The following FUT8 variants were observed in gnomAD, a reference collection of about 807,000 sequenced individuals.
FUT8 encodes fucosyltransferase 8.
FUT8 carries 29 observed loss-of-function variants against 71.3 expected under a neutral mutation model. That is an observed-to-expected ratio of 0.41 (90% CI 0.30 to 0.55). The LOEUF (loss-of-function observed/expected upper bound fraction) is 0.55. Among genes scored for constraint, FUT8 ranks in the 20% least tolerant of loss-of-function variants. FUT8 has a pLI of 0.34. For synonymous variants in FUT8, 254 were observed against 239.3 expected (o/e 1.06, Z -0.57); for missense variants, 544 against 702.1 (o/e 0.77, Z 2.55).
At chr14:65,444,215 C>T (rs1379190202) in intron 1 of FUT8, among the ~76,000 whole-genome samples, 1 of 152,052 alleles carries the variant, frequency 6.6e-6, no homozygotes, top group Non-Finnish European at 1.5e-5. Flanking sequence ...ACCTATTTAT[C>T]CAGTAGGAAA....
At chr14:65,433,263 A>G (rs1292166364) in intron 1 of FUT8, among the ~76,000 whole-genome samples, 2 of 152,214 alleles carry the variant, frequency 1.3e-5, no homozygotes, top group Non-Finnish European at 2.9e-5. Flanking sequence ...ATATAAATAT[A>G]TAATTATAAT....
At chr14:65,632,992 T>TCCCCCCCCCCCC (rs1594839583) in intron 6 of FUT8, among the ~76,000 whole-genome samples, 1 of 124,510 alleles carries the variant, frequency 8.0e-6, no homozygotes, top group African/African-American at 3.7e-5. Flanking sequence ...CTCTCCCCTC[T>TCCCCCCCCCCCC]CCCCTCTCCC....
At chr14:65,395,215 C>A in the FUT8 span, among the ~76,000 whole-genome samples, 1 of 152,214 alleles carries the variant, frequency 6.6e-6, no homozygotes, top group Non-Finnish European at 1.5e-5. Context: ...GTGTCTGTGG[C>A]TTTTCCAGGC....
chr14:65,716,384 T>C (rs1430805230), intron 7 of FUT8, among the ~76,000 whole-genome samples: 1 of 126,514 alleles, frequency 7.9e-6, no homozygotes, highest in Non-Finnish European at 1.7e-5. Context: ...TCTTTGTCCC[T>C]TTTTTTTTTT....
At chr14:65,583,095 T>A (rs1271030851) in intron 3 of FUT8, among the ~76,000 whole-genome samples, 5 of 152,242 alleles carry the variant, frequency 3.3e-5, no homozygotes, top group African/African-American at 1.2e-4. Flanking sequence ...GCCATCTTTT[T>A]TTAGAAAAAG....
At chr14:65,541,581 C>A (rs531733334) in intron 2 of FUT8, among the ~76,000 whole-genome samples, 10 of 152,174 alleles carry the variant, frequency 6.6e-5, no homozygotes, top group Non-Finnish European at 1.3e-4. Flanking sequence ...CATCCTCAAC[C>A]TTTTTGTTTA....
rs554901188 is a variant in FUT8 at position 65,557,371 on chromosome 14, C to T, written c.-227-3966C>T. The stretch of plus-strand genomic sequence containing the variant: ...TTTTTGAGACAGAGCCTTGCTCTGT[C>T]GCCCAGGCTGGAGTGTGGTGTTGTG... On this transcript the variant is annotated intron_variant, in intron 2 of 10. Transcript: ENST00000673929. Among the ~76,000 whole-genome samples the T allele has an allele frequency of 9.4e-5, 14 of 148,810 alleles. No homozygotes were observed. In the East Asian group the frequency reaches 1.6e-3, roughly 17 times the overall value.
At chr14:65,541,198 T>C (rs183904667) in intron 2 of FUT8, among the ~76,000 whole-genome samples, 27 of 152,330 alleles carry the variant, frequency 1.8e-4, no homozygotes, top group African/African-American at 6.0e-4. Context: ...ACAACAAATG[T>C]TGATATTCTT....
chr14:65,498,734 C>T (rs1356094578), intron 2 of FUT8, among the ~76,000 whole-genome samples: 1 of 152,106 alleles, frequency 6.6e-6, no homozygotes, highest in Non-Finnish European at 1.5e-5. Flanking sequence ...TCTGACTTCT[C>T]CTTTACAAGT....
intron 7 of FUT8, among the ~76,000 whole-genome samples, chr14:65,706,725 G>A (rs990414678): frequency 2.0e-5 from 3 of 152,006 alleles, no homozygotes; most frequent in African/African-American, 4.8e-5. Context: ...ATTCATGAGG[G>A]TTTTGCCTGC....
chr14:65,364,826 C>T, the FUT8 span, among the ~76,000 whole-genome samples: 1 of 152,166 alleles, frequency 6.6e-6, no homozygotes, highest in Admixed American at 6.5e-5. Context: ...GGCACATCTG[C>T]ATCTTTAATG....
chr14:65,710,055 A>G lies in FUT8; in HGVS notation c.836-11720A>G, dbSNP rs865902904. Among the ~76,000 whole-genome samples, 4 of 152,354 alleles carry G rather than the reference A, an allele frequency of 2.6e-5. No individual in the cohort carries two copies. The Middle Eastern group carries it at 0.014, about 518-fold the overall frequency. Reference sequence around the variant, plus strand: ...TCTTAGGAAATGTAAGAGGAAAAGCAGTTATTACCCTTTAAAACCTCACTA... The same window carrying G: ...TCTTAGGAAATGTAAGAGGAAAAGCGGTTATTACCCTTTAAAACCTCACTA... On this transcript the variant is annotated intron_variant, in intron 7 of 10. Coordinates refer to ENST00000673929, the MANE Select transcript of FUT8 (RefSeq NM_001371533.1).
rs74058518 is a variant in FUT8, at chr14:65,567,513, C to T, written c.203+5747C>T. ...TTGGTTGGAAGATTTTGCTCTAGAC[C>T]GTCTTCTCTATAACTCCTAGTCTCT... is the stretch of plus-strand genomic sequence containing the variant. On this transcript the variant is annotated intron_variant, in intron 3 of 10. Transcript: ENST00000673929. 7.8e-3 allele frequency among the ~76,000 whole-genome samples: 1,188 copies of T among 151,918 alleles called. 9 individuals carry two copies. Among genetic ancestry groups the T allele is most frequent in the African/African-American group, 0.024 (992 of 41,486 alleles).
intron 1 of FUT8, among the ~76,000 whole-genome samples, chr14:65,446,677 G>GTTTTT (rs2065745821): frequency 1.9e-5 from 1 of 51,376 alleles, no homozygotes; most frequent in African/African-American, 8.4e-5. Context: ...ATGTTTTAGG[G>GTTTTT]CTTTTTTTTT....
At chr14:65,514,808 A>G (rs994860335) in intron 2 of FUT8, among the ~76,000 whole-genome samples, 6 of 152,134 alleles carry the variant, frequency 3.9e-5, no homozygotes, top group African/African-American at 1.4e-4. Context: ...TGCACCCACT[A>G]ACTGGTCATC....
intron 6 of FUT8, among the ~76,000 whole-genome samples, chr14:65,649,069 T>G (rs985176726): frequency 4.6e-5 from 7 of 152,236 alleles, no homozygotes; most frequent in African/African-American, 1.7e-4. Context: ...CTTTTATTCC[T>G]TTCTTTTCAT....
At chr14:65,430,563 T>C (rs1286816495) in intron 1 of FUT8, among the ~76,000 whole-genome samples, 2 of 152,196 alleles carry the variant, frequency 1.3e-5, no homozygotes, top group Non-Finnish European at 2.9e-5. Context: ...TCAGAAGATA[T>C]AGCCATTTCT....
intron 7 of FUT8, among the ~76,000 whole-genome samples, chr14:65,702,807 C>T (rs756180110): frequency 1.8e-4 from 28 of 151,796 alleles, no homozygotes; most frequent in Admixed American, 5.9e-4. Flanking sequence ...GGCACCATCT[C>T]GGCTCACTGC....
chr14:65,412,444 G>A (rs924646308), upstream of FUT8: 1 of 421,626 alleles, frequency 2.4e-6, no homozygotes. Flanking sequence ...TCCAGGATCC[G>A]CTCGCGCCCC....
Sources: allele counts gnomAD v4.1 joint callset (sites outside exome capture counted in the v4.1 genomes callset), GRCh38; gene constraint gnomAD v4.1.1; transcripts MANE v1.5; gene names NCBI Gene and HGNC (gene_info 2026-07-23, HGNC 2026-07-21).